KCNAB1: variants seen among roughly 807,000 people sequenced by gnomAD.
KCNAB1 encodes voltage-gated potassium channel subunit beta-1.
KCNAB1 carries 35 observed loss-of-function variants against 64.6 expected under a neutral mutation model. That is an observed-to-expected ratio of 0.54 (90% CI 0.41 to 0.72). The LOEUF is 0.72. Among genes scored for constraint, KCNAB1 ranks in the 30% least tolerant of loss-of-function variants. The pLI is 0.00. For synonymous variants in KCNAB1, 177 were observed against 183.8 expected, an observed-to-expected ratio of 0.96 and a Z score of 0.30; for missense variants, 401 against 512.9, an observed-to-expected ratio of 0.78 and a Z score of 2.11.
At chr3:156,217,665 G>C (rs1300882580) in intron 1 of KCNAB1, among the ~76,000 whole-genome samples, 1 of 152,188 alleles carries the variant, frequency 6.6e-6, no homozygotes, top group African/African-American at 2.4e-5. Flanking sequence ...GAGCTGCTTT[G>C]GCATTTATTA....
At chr3:156,158,721 C>A (rs1160808548) in intron 1 of KCNAB1, among the ~76,000 whole-genome samples, 1 of 152,190 alleles carries the variant, frequency 6.6e-6, no homozygotes, top group Non-Finnish European at 1.5e-5. Context: ...TGGCTTCATT[C>A]TCAGCTCCAC....
intron 1 of KCNAB1, among the ~76,000 whole-genome samples, chr3:156,240,098 A>T (rs1717076645): frequency 6.6e-6 from 1 of 152,250 alleles, no homozygotes; most frequent in Admixed American, 6.5e-5. Flanking sequence ...CCTACAATAG[A>T]CACGTTTTAT....
chr3:156,420,612 G>A (rs1559875861), intron 1 of KCNAB1, among the ~76,000 whole-genome samples: 1 of 152,170 alleles, frequency 6.6e-6, no homozygotes, highest in African/African-American at 2.4e-5. Flanking sequence ...AAGGGAAACT[G>A]TATTTTTATG....
intron 1 of KCNAB1, among the ~76,000 whole-genome samples, chr3:156,309,713 A>C (rs190536875): frequency 6.6e-6 from 1 of 152,366 alleles, no homozygotes; most frequent in East Asian, 1.9e-4. Context: ...GCATCAAAGA[A>C]AGAGCTGGCC....
At chr3:156,311,865 C>G (rs185179658) in intron 1 of KCNAB1, among the ~76,000 whole-genome samples, 2 of 152,278 alleles carry the variant, frequency 1.3e-5, no homozygotes, top group Admixed American at 1.3e-4. Flanking sequence ...GCAGTGTGCA[C>G]TTAAGGCCCT....
chr3:156,427,090 C>G (rs919803830), intron 2 of KCNAB1, among the ~76,000 whole-genome samples: 1 of 152,102 alleles, frequency 6.6e-6, no homozygotes, highest in African/African-American at 2.4e-5. Flanking sequence ...GGCTGGTGAT[C>G]TCTGGATACA....
intron 1 of KCNAB1, among the ~76,000 whole-genome samples, chr3:156,407,318 G>A (rs866780715): frequency 1.4e-4 from 22 of 152,182 alleles, no homozygotes; most frequent in Middle Eastern, 3.4e-3. Context: ...CTTCCTCCAG[G>A]TCCCCGCTCA....
chr3:156,244,745 T>G (rs1483918766), intron 1 of KCNAB1, among the ~76,000 whole-genome samples: 1 of 152,258 alleles, frequency 6.6e-6, no homozygotes, highest in Non-Finnish European at 1.5e-5. Flanking sequence ...ACCAGAGTTA[T>G]TCTAGTTTCC....
intron 1 of KCNAB1, among the ~76,000 whole-genome samples, chr3:156,384,036 A>G (rs950198143): frequency 6.6e-6 from 1 of 152,222 alleles, no homozygotes; most frequent in Admixed American, 6.5e-5. Flanking sequence ...GCCCCAGAGT[A>G]GATTTGATTC....
At chr3:156,340,886 C>G (rs1724061440) in intron 1 of KCNAB1, among the ~76,000 whole-genome samples, 2 of 152,182 alleles carry the variant, frequency 1.3e-5, no homozygotes, top group African/African-American at 4.8e-5. Flanking sequence ...GGCTATTCCA[C>G]TTTGTTGTTG....
intron 1 of KCNAB1, among the ~76,000 whole-genome samples, chr3:156,165,050 G>A (rs1035334873): frequency 1.3e-5 from 2 of 151,844 alleles, no homozygotes; most frequent in Non-Finnish European, 2.9e-5. Flanking sequence ...AGGCCGAGGC[G>A]GGCGGATCAC....
chr3:156,144,040 C>A (rs1269089169), intron 1 of KCNAB1, among the ~76,000 whole-genome samples: 1 of 151,794 alleles, frequency 6.6e-6, no homozygotes, highest in Non-Finnish European at 1.5e-5. Context: ...GAAATGTTTT[C>A]TTGGTATAGG....
chr3:156,539,125 C>G (rs1210818830), downstream of KCNAB1: 2 of 152,158 alleles, frequency 1.3e-5, no homozygotes, highest in Non-Finnish European at 2.9e-5. Context: ...ATCTATCATT[C>G]CAAAAGGTAA....
intron 1 of KCNAB1, among the ~76,000 whole-genome samples, chr3:156,160,184 A>G (rs1265838045): frequency 1.3e-5 from 2 of 152,212 alleles, no homozygotes; most frequent in African/African-American, 4.8e-5. Context: ...CCCAAGAGCT[A>G]GGGAACCAAG....
At chr3:156,327,525 C>T (rs1448269907) in intron 1 of KCNAB1, among the ~76,000 whole-genome samples, 2 of 152,118 alleles carry the variant, frequency 1.3e-5, no homozygotes, top group African/African-American at 4.8e-5. Context: ...TACTGTGTGT[C>T]ACGTATTGTG....
At chr3:156,278,947 TTTTA>T (rs1016679780) in intron 1 of KCNAB1, among the ~76,000 whole-genome samples, 5 of 151,894 alleles carry the variant, frequency 3.3e-5, no homozygotes, top group Non-Finnish European at 5.9e-5. Context: ...TATTTTATTT[TTTTA>T]TTTATTTTTA....
At chr3:156,472,103 G>A (rs925483772) in intron 7 of KCNAB1, among the ~76,000 whole-genome samples, 4 of 152,052 alleles carry the variant, frequency 2.6e-5, no homozygotes, top group Non-Finnish European at 5.9e-5. Flanking sequence ...TTGGCTCCCC[G>A]ACCACCTCCG....
chr3:156,341,847 A>G (rs1006066854), intron 1 of KCNAB1, among the ~76,000 whole-genome samples: 1 of 152,148 alleles, frequency 6.6e-6, no homozygotes, highest in Non-Finnish European at 1.5e-5. Flanking sequence ...GATATTTTCT[A>G]TTCTATTCCA....
intron 1 of KCNAB1, among the ~76,000 whole-genome samples, chr3:156,188,033 A>G (rs942259259): frequency 9.4e-5 from 14 of 148,680 alleles, no homozygotes; most frequent in Non-Finnish European, 1.7e-4. Flanking sequence ...AGAGCAATAC[A>G]CCATTCATTC....
Sources: allele counts gnomAD v4.1 joint callset (sites outside exome capture counted in the v4.1 genomes callset), GRCh38; gene constraint gnomAD v4.1.1; transcripts MANE v1.5; gene names NCBI Gene and HGNC (gene_info 2026-07-23, HGNC 2026-07-21).